The following TLE3 variants were observed in gnomAD, a reference collection of about 807,000 sequenced individuals.
TLE3 encodes the protein TLE family member 3, transcriptional corepressor, also known as transducin-like enhancer protein 3.
A neutral mutation model predicts 93.0 loss-of-function variants in TLE3; 14 were observed. That is an observed-to-expected ratio of 0.15 (90% confidence interval 0.10 to 0.24). The LOEUF (loss-of-function observed/expected upper bound fraction) is 0.24. Among genes scored for constraint, TLE3 ranks in the 10% least tolerant of loss-of-function variants. TLE3 has a pLI of 1.00. For missense variants in TLE3, 693 were observed against 1,046.6 expected (o/e 0.66, Z 4.66); for synonymous variants, 451 against 425.0 (o/e 1.06, Z -0.75).
chr15:70,094,930 G>C (rs1235977454), intron 3 of TLE3: 1 of 227,888 alleles, frequency 4.4e-6, no homozygotes, highest in African/African-American at 2.3e-5. Context: ...GCACTGTGTC[G>C]AAGGCCTCTT....
chr15:70,091,308 G>C (rs775160052), intron 4 of TLE3, among the ~76,000 whole-genome samples: 8 of 152,232 alleles, frequency 5.3e-5, no homozygotes, highest in Non-Finnish European at 1.2e-4. Flanking sequence ...GGGTGAAAAG[G>C]CTGCCTGACC....
chr15:70,052,517 G>C lies in TLE3; in HGVS notation c.1982C>G (p.Ser661Trp). The change falls in exon 18 of 20, where the codon TCG becomes TGG. Residue 661 changes from serine (S) to tryptophan (W), a missense_variant. This residue lies in a region of TLE3 where 153 missense variants were observed against 379.9 expected (regional missense o/e 0.40). Coordinates refer to ENST00000451782, the MANE Select transcript of TLE3 (RefSeq NM_001105192.3). ...CTCCCCAGTGGGGCAGTAGCCCAGCGAGAAGATCTGCAGGTGGTGGGAGGG... is the reference window on the plus strand; with the variant it reads ...CTCCCCAGTGGGGCAGTAGCCCAGCCAGAAGATCTGCAGGTGGTGGGAGGG... ...QQHDFTSQIF[S>W]LGYCPTGEWL... 1 of 1,613,148 alleles carries C rather than the reference G, an allele frequency of 6.2e-7. No homozygotes were observed. The highest frequency in any genetic ancestry group is 1.3e-5 in the African/African-American group (1 of 75,044).
intron 6 of TLE3, among the ~76,000 whole-genome samples, chr15:70,068,744 C>T (rs1048844403): frequency 6.6e-5 from 10 of 152,198 alleles, no homozygotes; most frequent in African/African-American, 2.4e-4. Flanking sequence ...CTCCACGCAC[C>T]CTGACTCTTA....
Position 70,048,599 on chromosome 15 carries a change from C to T in TLE3, c.*1498G>A, listed in dbSNP as rs1427991370. 6.7e-6 allele frequency: 1 copy of T among 149,858 alleles called. No individual in the cohort carries two copies. Among genetic ancestry groups the T allele is most frequent in the Non-Finnish European group, 1.5e-5 (1 of 67,684 alleles). The allele number at this position is 149,858 out of a possible 1,614,324, so 9.3% of individuals were successfully genotyped here. On this transcript the variant is annotated 3_prime_UTR_variant, in exon 20 of 20. Transcript: ENST00000451782. ...ATGGAGAGCCTGCCACCAGGACTCA[C>T]AGCGGCCTTTAGCTTTTCTTTAAAA...
chr15:70,064,704 C>T (rs754163934), intron 7 of TLE3, among the ~76,000 whole-genome samples: 7 of 152,102 alleles, frequency 4.6e-5, no homozygotes, highest in Non-Finnish European at 5.9e-5. Context: ...ATGCTGCCCC[C>T]ACCCCTCTAG....
intron 5 of TLE3, 45 bp from the exon 6 acceptor site, chr15:70,074,652 C>G (rs1387255388): frequency 6.5e-7 from 1 of 1,535,700 alleles, no homozygotes; most frequent in African/African-American, 1.4e-5. Context: ...CTTTCCTGGA[C>G]AGAGGAGGTC....
intron 16 of TLE3, chr15:70,053,910 A>C (rs897945559): frequency 2.5e-5 from 4 of 160,088 alleles, no homozygotes; most frequent in African/African-American, 9.6e-5. Flanking sequence ...GCCCATGTAT[A>C]CAAGAGTCAG....
At position 70,050,015 on chromosome 15, in the gene TLE3, T is replaced by G; in HGVS notation, c.*82A>C. ...GCCTGCGGCCCATCCTCCGCCATCCTCGGGGCCCCTCGCCTGGGGGTCTCC... is the reference window on the plus strand; with the variant it reads ...GCCTGCGGCCCATCCTCCGCCATCCGCGGGGCCCCTCGCCTGGGGGTCTCC... On this transcript the variant is annotated 3_prime_UTR_variant, in exon 20 of 20. Coordinates refer to ENST00000451782, the MANE Select transcript of TLE3 (RefSeq NM_001105192.3). 7.9e-7 allele frequency: 1 copy of G among 1,272,268 alleles called. No homozygotes were observed. The highest frequency in any genetic ancestry group is 1.2e-5 in the South Asian group (1 of 82,012). 78.8% of individuals were successfully genotyped at this position (1,272,268 alleles called of 1,614,324 possible).
At chr15:70,082,135 T>G (rs1228919936) in intron 4 of TLE3, among the ~76,000 whole-genome samples, 2 of 152,124 alleles carry the variant, frequency 1.3e-5, no homozygotes, top group Non-Finnish European at 2.9e-5. Flanking sequence ...TCACCCAGAT[T>G]CAGAATACCA....
chr15:70,088,364 TTAAG>T (rs939925677), intron 4 of TLE3, among the ~76,000 whole-genome samples: 15 of 152,310 alleles, frequency 9.8e-5, no homozygotes, highest in Non-Finnish European at 2.1e-4. Context: ...TCCCCCTTCC[TTAAG>T]TTTCTCCTTA....
intron 4 of TLE3, among the ~76,000 whole-genome samples, chr15:70,084,249 G>C (rs1311142035): frequency 6.6e-6 from 1 of 152,228 alleles, no homozygotes; most frequent in Non-Finnish European, 1.5e-5. Flanking sequence ...TCAACCAATA[G>C]TAATTGTTTC....
intron 6 of TLE3, chr15:70,066,958 GC>G: frequency 2.8e-6 from 1 of 352,652 alleles, no homozygotes; most frequent in East Asian, 8.8e-5. Context: ...GGGGAAAGCA[GC>G]AGACCCCAGA....
At chr15:70,055,547 A>C in intron 14 of TLE3, 3 of 415,776 alleles carry the variant, frequency 7.2e-6, no homozygotes, top group Non-Finnish European at 8.3e-6. Flanking sequence ...CCAGAAACCC[A>C]CAGGTGTCCT....
chr15:70,090,063 T>G (rs948620445), intron 4 of TLE3, among the ~76,000 whole-genome samples: 1 of 152,078 alleles, frequency 6.6e-6, no homozygotes, highest in Non-Finnish European at 1.5e-5. Context: ...CCAAAAGCAC[T>G]GAAACCCCCA....
intron 4 of TLE3, among the ~76,000 whole-genome samples, chr15:70,077,762 T>C (rs555711860): frequency 3.9e-5 from 6 of 152,372 alleles, no homozygotes; most frequent in African/African-American, 1.4e-4. Flanking sequence ...TAGAACACTC[T>C]AGCTCCTCAG....
In TLE3 at chr15:70,050,020, G is replaced by T. The variant is rs866753991; in HGVS notation, c.*77C>A. ...CGGCCCATCCTCCGCCATCCTCGGG[G>T]CCCCTCGCCTGGGGGTCTCCCTGTC... On this transcript the variant is annotated 3_prime_UTR_variant, in exon 20 of 20. Coordinates refer to ENST00000451782, the MANE Select transcript of TLE3 (RefSeq NM_001105192.3). The T allele has an allele frequency of 5.3e-6, 7 of 1,319,512 alleles. No individual in the cohort carries two copies. The highest frequency in any genetic ancestry group is 4.8e-5 in the South Asian group (4 of 83,552). The allele number at this position is 1,319,512 out of a possible 1,614,324, so 81.7% of individuals were successfully genotyped here. A position where few individuals can be genotyped will look rare whatever the true frequency, so the allele number is the denominator to read the frequency against.
rs752860673 is a variant in TLE3 at position 70,057,663 on chromosome 15, G to C, written c.1052-5C>G. On this transcript the variant is annotated splice_polypyrimidine_tract_variant and splice_region_variant and intron_variant, in intron 12 of 19. Coordinates refer to ENST00000451782, the MANE Select transcript of TLE3 (RefSeq NM_001105192.3). The stretch of plus-strand genomic sequence containing the variant: ...TGGGCGTGCGCAGAGCCGAGGCTGC[G>C]AGGGGTGGGCGTCAGGGAGGTGGGC... 6.4e-7 allele frequency: 1 copy of C among 1,564,092 alleles called. No individual in the cohort carries two copies. The highest frequency in any genetic ancestry group is 8.6e-7 in the Non-Finnish European group (1 of 1,161,106).
Position 70,097,916 on chromosome 15 carries a change from C to G in TLE3, c.-1118G>C. On this transcript the variant is annotated 5_prime_UTR_variant, in exon 1 of 20. Transcript: ENST00000451782. ...CCGCGAGAGCAGTTCCAAATAGGGA[C>G]TGAAAAGTAACAAAATAATGTGGCA... The G allele has an allele frequency of 4.3e-6, 1 of 235,066 alleles. No homozygotes were observed. 14.6% of individuals were successfully genotyped at this position (235,066 alleles called of 1,614,324 possible). A position where few individuals can be genotyped will look rare whatever the true frequency, so the allele number is the denominator to read the frequency against.
intron 4 of TLE3, among the ~76,000 whole-genome samples, chr15:70,085,503 C>T (rs1244258810): frequency 1.3e-5 from 2 of 152,096 alleles, no homozygotes; most frequent in Non-Finnish European, 1.5e-5. Flanking sequence ...TATCCCTGGG[C>T]AAATGGATAG....
Sources: allele counts gnomAD v4.1 joint callset (sites outside exome capture counted in the v4.1 genomes callset), GRCh38; gene constraint gnomAD v4.1.1; regional missense constraint gnomAD v4.1.1; transcripts MANE v1.5; gene names NCBI Gene and HGNC (gene_info 2026-07-23, HGNC 2026-07-21).